PPP1R9A: variants seen among roughly 807,000 people sequenced by gnomAD.
PPP1R9A encodes protein phosphatase 1 regulatory subunit 9A.
PPP1R9A carries 59 observed loss-of-function variants against 141.9 expected under a neutral mutation model. That is an observed-to-expected ratio of 0.42 (90% CI 0.34 to 0.52). The LOEUF (loss-of-function observed/expected upper bound fraction) is 0.52. Among genes scored for constraint, PPP1R9A ranks in the 20% least tolerant of loss-of-function variants. The probability of loss-of-function intolerance (pLI) is 0.10; values close to 1 mark genes in which losing one functional copy is unlikely to be tolerated. For missense variants in PPP1R9A, 1,444 were observed against 1,611.9 expected (o/e 0.90, Z 1.78); for synonymous variants, 500 against 569.7 (o/e 0.88, Z 1.74).
At chr7:95,277,169 TG>T (rs989616443) in intron 16 of PPP1R9A, among the ~76,000 whole-genome samples, 13 of 152,194 alleles carry the variant, frequency 8.5e-5, no homozygotes, top group African/African-American at 3.1e-4. Context: ...ATAAGATCAT[TG>T]GTCAGCTATA....
chr7:95,289,816 G>T (rs1037715606), intron 19 of PPP1R9A, among the ~76,000 whole-genome samples: 1 of 152,102 alleles, frequency 6.6e-6, no homozygotes, highest in African/African-American at 2.4e-5. Flanking sequence ...GTAGAATTGT[G>T]CCCTTTTTCC....
intron 8 of PPP1R9A, among the ~76,000 whole-genome samples, chr7:95,245,658 C>A (rs1287476813): frequency 6.6e-6 from 1 of 152,138 alleles, no homozygotes. Context: ...TGTCTTTACA[C>A]CTTCTTCCAA....
chr7:95,261,131 G>T (rs544418510), intron 12 of PPP1R9A, among the ~76,000 whole-genome samples: 18 of 152,292 alleles, frequency 1.2e-4, no homozygotes, highest in African/African-American at 4.1e-4. Flanking sequence ...ATGAAGTGTT[G>T]CCCTGGGCTC....
intron 2 of PPP1R9A, among the ~76,000 whole-genome samples, chr7:94,954,655 T>C (rs1796872893): frequency 1.3e-5 from 2 of 151,768 alleles, no homozygotes; most frequent in East Asian, 1.9e-4. Context: ...AATATATTTG[T>C]GATTATTTTT....
chr7:95,103,402 C>T (rs1819076861), intron 2 of PPP1R9A, among the ~76,000 whole-genome samples: 1 of 112,898 alleles, frequency 8.9e-6, no homozygotes, highest in Non-Finnish European at 1.8e-5. Context: ...GCTCTGTTGC[C>T]CAGGCTGGAG....
At chr7:95,170,123 A>G (rs533686665) in intron 5 of PPP1R9A, among the ~76,000 whole-genome samples, 1 of 151,748 alleles carries the variant, frequency 6.6e-6, no homozygotes, top group Non-Finnish European at 1.5e-5. Context: ...ACAGATTCAA[A>G]TATGCAGAAG....
At chr7:94,998,562 T>A (rs1032924617) in intron 2 of PPP1R9A, among the ~76,000 whole-genome samples, 2 of 152,212 alleles carry the variant, frequency 1.3e-5, no homozygotes, top group African/African-American at 4.8e-5. Context: ...TCTTGAGAAC[T>A]CCATTTCCTA....
chr7:94,998,381 G>A (rs911681927), intron 2 of PPP1R9A, among the ~76,000 whole-genome samples: 1 of 152,112 alleles, frequency 6.6e-6, no homozygotes, highest in Non-Finnish European at 1.5e-5. Flanking sequence ...ACTTCTAGAA[G>A]GGTCAAATGT....
intron 2 of PPP1R9A, among the ~76,000 whole-genome samples, chr7:94,975,339 G>A (rs535744389): frequency 6.9e-6 from 1 of 144,360 alleles, no homozygotes; most frequent in Non-Finnish European, 1.5e-5. Flanking sequence ...CCTCTGGACA[G>A]GCTGTAGTTT....
intron 2 of PPP1R9A, 70 bp from the exon 3 acceptor site, chr7:95,111,189 A>C (rs1464973151): frequency 7.1e-7 from 1 of 1,413,976 alleles, no homozygotes; most frequent in Non-Finnish European, 9.6e-7. Context: ...GTTTAAACTT[A>C]CATAGTTTTG....
Position 95,213,616 on chromosome 7 carries a change from G to A in PPP1R9A, c.1956+9886G>A, listed in dbSNP as rs571106033. 2.4e-4 allele frequency among the ~76,000 whole-genome samples: 36 copies of A among 152,074 alleles called. 1 individual carries two copies. The South Asian group carries it at 5.8e-3, about 25-fold the overall frequency. On this transcript the variant is annotated intron_variant, in intron 7 of 19. Coordinates refer to ENST00000433360, the MANE Select transcript of PPP1R9A (RefSeq NM_001166160.2). ...TGGGATTACAGGTGTGAGCCTCCAC[G>A]CCCAGCCTGGTTATACATTCTGCTT... is the stretch of plus-strand genomic sequence containing the variant.
chr7:95,072,820 T>TTTA (rs1814122364), intron 2 of PPP1R9A, among the ~76,000 whole-genome samples: 1 of 62,946 alleles, frequency 1.6e-5, no homozygotes, highest in Non-Finnish European at 2.8e-5. Flanking sequence ...TATATAATAA[T>TTTA]TATTATATAT....
chr7:94,953,475 GT>G (rs566408205), intron 2 of PPP1R9A, among the ~76,000 whole-genome samples: 1 of 152,090 alleles, frequency 6.6e-6, no homozygotes. Flanking sequence ...ACTTAAAGTA[GT>G]TTTTTCTAAT....
rs190997805 is a variant in PPP1R9A, at chr7:95,025,345, G to A, written c.1396-85914G>A. On this transcript the variant is annotated intron_variant, in intron 2 of 19. Transcript: ENST00000433360. ...CTCCCAAAGTGCTGGAATTACAGGCGTGAACCACTGTGCCTGGCGAAAATT... is the reference window on the plus strand; with the variant it reads ...CTCCCAAAGTGCTGGAATTACAGGCATGAACCACTGTGCCTGGCGAAAATT... 2.3e-4 allele frequency among the ~76,000 whole-genome samples: 35 copies of A among 152,216 alleles called. No homozygotes were observed. The East Asian group carries it at 6.4e-3, about 28-fold the overall frequency.
chr7:95,057,512 G>A (rs963851198), intron 2 of PPP1R9A, among the ~76,000 whole-genome samples: 1 of 152,090 alleles, frequency 6.6e-6, no homozygotes, highest in African/African-American at 2.4e-5. Context: ...GGTCATGGTA[G>A]AGAGATTTAA....
intron 8 of PPP1R9A, among the ~76,000 whole-genome samples, chr7:95,239,426 A>G (rs528061998): frequency 7.9e-5 from 12 of 152,162 alleles, no homozygotes; most frequent in Non-Finnish European, 1.8e-4. Context: ...TTAAAATAAT[A>G]TAATCACCTG....
At chr7:95,077,724 C>T (rs999787896) in intron 2 of PPP1R9A, among the ~76,000 whole-genome samples, 7 of 152,066 alleles carry the variant, frequency 4.6e-5, no homozygotes, top group African/African-American at 1.7e-4. Context: ...AGCTAGGATT[C>T]AGATTTAAAT....
chr7:95,022,126 G>A (rs1419241900), intron 2 of PPP1R9A, among the ~76,000 whole-genome samples: 1 of 151,994 alleles, frequency 6.6e-6, no homozygotes, highest in Non-Finnish European at 1.5e-5. Flanking sequence ...TTCCATTTGT[G>A]TGTGTCCTCT....
chr7:95,047,542 A>T (rs2151960410), intron 2 of PPP1R9A, among the ~76,000 whole-genome samples: 1 of 152,326 alleles, frequency 6.6e-6, no homozygotes, highest in East Asian at 1.9e-4. Flanking sequence ...TGAGTGCCCT[A>T]GCTGACATCC....
Sources: allele counts gnomAD v4.1 joint callset (sites outside exome capture counted in the v4.1 genomes callset), GRCh38; gene constraint gnomAD v4.1.1; transcripts MANE v1.5; gene names NCBI Gene and HGNC (gene_info 2026-07-23, HGNC 2026-07-21).